PLEKHA5: variants seen among roughly 807,000 people sequenced by gnomAD.
PLEKHA5 encodes pleckstrin homology domain-containing family A member 5.
In PLEKHA5, 55 loss-of-function variants were observed where a neutral mutation model predicts 181.9. That is an observed-to-expected ratio of 0.30 (90% confidence interval 0.24 to 0.38). The LOEUF is 0.38. PLEKHA5 is among the 10% of genes least tolerant of loss of function. The pLI, the probability that PLEKHA5 is intolerant of heterozygous loss-of-function variation, is 1.00. For missense variants in PLEKHA5, 1,432 were observed against 1,549.5 expected (o/e 0.92, Z 1.27); for synonymous variants, 535 against 529.4 (o/e 1.01, Z -0.15).
intron 3 of PLEKHA5, among the ~76,000 whole-genome samples, chr12:19,229,073 A>G (rs2060078713): frequency 6.6e-6 from 1 of 152,224 alleles, no homozygotes; most frequent in Non-Finnish European, 1.5e-5. Flanking sequence ...CAGAAATATG[A>G]ATGTAGAAGT....
chr12:19,321,673 C>A (rs369880768), intron 18 of PLEKHA5: 1 of 151,742 alleles, frequency 6.6e-6, no homozygotes, highest in Non-Finnish European at 1.5e-5. Flanking sequence ...AGCCCAGCCC[C>A]CTACTTTTTC....
chr12:19,195,672 C>CAAA (rs3056386), intron 3 of PLEKHA5, among the ~76,000 whole-genome samples: 20 of 81,592 alleles, frequency 2.5e-4, no homozygotes, highest in South Asian at 7.9e-4. Context: ...GACCCTGTCT[C>CAAA]AAAAAAAAAA....
intron 2 of PLEKHA5, 120 bp from the exon 3 acceptor site, chr12:19,132,269 CTTTT>C (rs1243507198): frequency 7.9e-6 from 5 of 636,036 alleles, no homozygotes; most frequent in African/African-American, 1.9e-5. Context: ...CAGCTCAACA[CTTTT>C]TTTGTTAGTA....
At chr12:19,335,094 A>G (rs1278267374) in intron 20 of PLEKHA5, among the ~76,000 whole-genome samples, 3 of 147,452 alleles carry the variant, frequency 2.0e-5, no homozygotes, top group Non-Finnish European at 4.5e-5. Flanking sequence ...CAGTAGCACA[A>G]TTTTGGCTCA....
chr12:19,129,985 A>G, intron 1 of PLEKHA5, 66 bp from the exon 2 acceptor site: 1 of 1,455,974 alleles, frequency 6.9e-7, no homozygotes, highest in South Asian at 1.2e-5. Flanking sequence ...GTGCTCCTGC[A>G]GCCCCTCGGC....
chr12:19,286,525 C>T (rs1166378912), intron 12 of PLEKHA5, among the ~76,000 whole-genome samples: 3 of 152,064 alleles, frequency 2.0e-5, no homozygotes, highest in Admixed American at 1.3e-4. Flanking sequence ...AGATTAAATA[C>T]AGAAACAGAT....
chr12:19,247,155 C>T (rs1475093086), intron 3 of PLEKHA5, among the ~76,000 whole-genome samples: 1 of 152,044 alleles, frequency 6.6e-6, no homozygotes, highest in Non-Finnish European at 1.5e-5. Context: ...CTTTAATTAC[C>T]CTGGAAAGGG....
intron 23 of PLEKHA5, among the ~76,000 whole-genome samples, chr12:19,346,594 C>G (rs931082171): frequency 6.6e-6 from 1 of 152,144 alleles, no homozygotes; most frequent in Admixed American, 6.5e-5. Flanking sequence ...TATGTATGAT[C>G]AAATCACTGC....
chr12:19,146,529 C>T (rs2038965963), intron 3 of PLEKHA5, among the ~76,000 whole-genome samples: 1 of 152,160 alleles, frequency 6.6e-6, no homozygotes, highest in Non-Finnish European at 1.5e-5. Context: ...GAACATTATA[C>T]ATGTATTTAT....
intron 3 of PLEKHA5, among the ~76,000 whole-genome samples, chr12:19,230,009 A>G (rs1316651005): frequency 6.6e-6 from 1 of 152,172 alleles, no homozygotes; most frequent in Non-Finnish European, 1.5e-5. Flanking sequence ...TCCCTTAGGT[A>G]GACATAAAGG....
At chr12:19,281,528 G>T (rs913339929) in intron 11 of PLEKHA5, among the ~76,000 whole-genome samples, 1 of 151,366 alleles carries the variant, frequency 6.6e-6, no homozygotes, top group African/African-American at 2.4e-5. Flanking sequence ...AGTGAGCTGA[G>T]ATTGTGCCAA....
chr12:19,147,920 A>G (rs1591810205), intron 3 of PLEKHA5, among the ~76,000 whole-genome samples: 1 of 152,022 alleles, frequency 6.6e-6, no homozygotes, highest in East Asian at 1.9e-4. Context: ...ATTTTTTTTT[A>G]GAGATGGGGT....
chr12:19,263,751 G>A (rs986957141), intron 7 of PLEKHA5, among the ~76,000 whole-genome samples: 2 of 152,166 alleles, frequency 1.3e-5, no homozygotes, highest in Admixed American at 1.3e-4. Context: ...AGATTAATAT[G>A]TAGAAAGCTT....
At chr12:19,328,866 CTATGTTGAA>C (rs1180266128) in intron 20 of PLEKHA5, among the ~76,000 whole-genome samples, 4 of 152,046 alleles carry the variant, frequency 2.6e-5, no homozygotes, top group Admixed American at 2.0e-4. Flanking sequence ...ACTTCCAGTA[CTATGTTGAA>C]TAGGAGTGGT....
intron 3 of PLEKHA5, among the ~76,000 whole-genome samples, chr12:19,230,592 C>G (rs2152377881): frequency 6.6e-6 from 1 of 152,330 alleles, no homozygotes; most frequent in African/African-American, 2.4e-5. Context: ...TCCACAGCTG[C>G]TGGCCTGGGT....
At chr12:19,277,691 A>G (rs1292941495) in intron 11 of PLEKHA5, among the ~76,000 whole-genome samples, 2 of 152,218 alleles carry the variant, frequency 1.3e-5, no homozygotes, top group Non-Finnish European at 2.9e-5. Context: ...ATGATTTTTT[A>G]TTGGTGGAAT....
At chr12:19,238,961 T>C (rs1358078858) in intron 3 of PLEKHA5, among the ~76,000 whole-genome samples, 3 of 152,148 alleles carry the variant, frequency 2.0e-5, no homozygotes, top group Non-Finnish European at 4.4e-5. Flanking sequence ...CCACCAATAC[T>C]ATAGACTGCT....
intron 15 of PLEKHA5, chr12:19,306,976 A>G: frequency 7.1e-7 from 1 of 1,401,654 alleles, no homozygotes; most frequent in African/African-American, 1.4e-5. Context: ...ACTTACTCAG[A>G]CTGGCGCTGT....
At chr12:19,355,945 A>G (rs563482278) in intron 26 of PLEKHA5, among the ~76,000 whole-genome samples, 203 of 152,052 alleles carry the variant, frequency 1.3e-3, no homozygotes, top group Non-Finnish European at 2.4e-3. Flanking sequence ...CAGGCAGATC[A>G]TTTGAAGTCA....
Sources: allele counts gnomAD v4.1 joint callset (sites outside exome capture counted in the v4.1 genomes callset), GRCh38; gene constraint gnomAD v4.1.1; transcripts MANE v1.5; gene names NCBI Gene and HGNC (gene_info 2026-07-23, HGNC 2026-07-21).